The following CDC42SE2 variants were observed in gnomAD, a reference collection of about 807,000 sequenced individuals.
CDC42SE2 encodes the protein CDC42 small effector protein 2.
CDC42SE2 carries 3 observed loss-of-function variants against 11.5 expected under a neutral mutation model. The observed-to-expected ratio is 0.26, with a 90% confidence interval of 0.12 to 0.67. The LOEUF (loss-of-function observed/expected upper bound fraction) is 0.67, where lower values mean the gene tolerates loss of function less well. Ranked by LOEUF, CDC42SE2 falls within the 30% of genes least tolerant of loss-of-function variation. The pLI, the probability that CDC42SE2 is intolerant of heterozygous loss-of-function variation, is 0.80. For synonymous variants in CDC42SE2, 33 were observed against 34.8 expected (o/e 0.95, Z 0.18); for missense variants, 82 against 106.8 (o/e 0.77, Z 1.02).
intron 1 of CDC42SE2, among the ~76,000 whole-genome samples, chr5:131,295,013 G>C (rs1757539993): frequency 6.6e-6 from 1 of 152,090 alleles, no homozygotes; most frequent in East Asian, 1.9e-4. Flanking sequence ...TGTAGTCCCA[G>C]CTACTCGGGA....
chr5:131,322,856 G>A (rs775151705), intron 2 of CDC42SE2, among the ~76,000 whole-genome samples: 2 of 152,130 alleles, frequency 1.3e-5, no homozygotes, highest in Non-Finnish European at 2.9e-5. Context: ...TTGGGGACCT[G>A]TCATAATGTG....
intron 1 of CDC42SE2, among the ~76,000 whole-genome samples, chr5:131,273,662 A>G (rs1757040798): frequency 6.6e-6 from 1 of 151,196 alleles, no homozygotes; most frequent in South Asian, 2.1e-4. Context: ...AGTCCCAGCG[A>G]CTAGGGAGGC....
chr5:131,362,597 G>T (rs574190349), intron 3 of CDC42SE2, among the ~76,000 whole-genome samples: 1 of 152,092 alleles, frequency 6.6e-6, no homozygotes, highest in Non-Finnish European at 1.5e-5. Flanking sequence ...CACATTCCAT[G>T]TGTGAAAAAG....
At chr5:131,308,853 G>A (rs529974690) in intron 1 of CDC42SE2, among the ~76,000 whole-genome samples, 109 of 152,228 alleles carry the variant, frequency 7.2e-4, no homozygotes, top group African/African-American at 2.4e-3. Context: ...GGGCTGAGAT[G>A]ATGGGGTTTT....
At chr5:131,242,292 C>T (rs1339503400), upstream of CDC42SE2, among the ~76,000 whole-genome samples, 6 of 152,164 alleles carry the variant, frequency 3.9e-5, no homozygotes, top group Non-Finnish European at 7.3e-5. Flanking sequence ...TTCAGTACTA[C>T]CTTCTTACAA....
At chr5:131,352,211 G>T (rs1355005167) in intron 2 of CDC42SE2, among the ~76,000 whole-genome samples, 1 of 152,070 alleles carries the variant, frequency 6.6e-6, no homozygotes, top group East Asian at 1.9e-4. Context: ...GAAAACTGGT[G>T]GGTAGTTTCT....
chr5:131,374,895 T>G (rs1750108199), intron 3 of CDC42SE2, among the ~76,000 whole-genome samples: 1 of 152,168 alleles, frequency 6.6e-6, no homozygotes, highest in Admixed American at 6.5e-5. Context: ...CATTGTACAT[T>G]GTATACATAC....
intron 3 of CDC42SE2, among the ~76,000 whole-genome samples, chr5:131,382,711 G>C (rs907349237): frequency 1.3e-5 from 2 of 152,184 alleles, no homozygotes; most frequent in Non-Finnish European, 2.9e-5. Context: ...GTGTCCTGCA[G>C]ATGCCACTGT....
intron 2 of CDC42SE2, among the ~76,000 whole-genome samples, chr5:131,338,887 A>G (rs1016759741): frequency 3.9e-5 from 6 of 152,180 alleles, no homozygotes; most frequent in African/African-American, 1.4e-4. Context: ...ATTAAAATGT[A>G]CACTGCAACT....
chr5:131,340,958 C>T (rs1370527711), intron 2 of CDC42SE2, among the ~76,000 whole-genome samples: 1 of 151,978 alleles, frequency 6.6e-6, no homozygotes, highest in Non-Finnish European at 1.5e-5. Flanking sequence ...ATTACAGGCA[C>T]GAACCACCAT....
chr5:131,306,504 G>A (rs1259375209), intron 1 of CDC42SE2, among the ~76,000 whole-genome samples: 4 of 152,150 alleles, frequency 2.6e-5, no homozygotes, highest in African/African-American at 9.7e-5. Context: ...ATAGTTTGTA[G>A]TAGATTTTGA....
At chr5:131,293,951 G>A (rs966330615) in intron 1 of CDC42SE2, among the ~76,000 whole-genome samples, 3 of 152,156 alleles carry the variant, frequency 2.0e-5, no homozygotes, top group Admixed American at 6.5e-5. Flanking sequence ...GATATGTATT[G>A]GCTGCTTTAA....
the CDC42SE2 span, among the ~76,000 whole-genome samples, chr5:131,214,161 TC>T: frequency 6.6e-6 from 1 of 152,220 alleles, no homozygotes; most frequent in Non-Finnish European, 1.5e-5. Flanking sequence ...ATTTTTAGTG[TC>T]TTAAAGAAAT....
intron 3 of CDC42SE2, among the ~76,000 whole-genome samples, chr5:131,383,425 A>G (rs997439293): frequency 1.3e-5 from 2 of 152,238 alleles, no homozygotes; most frequent in African/African-American, 4.8e-5. Context: ...AAAAGGCTTG[A>G]AGTAAAACTA....
intron 1 of CDC42SE2, among the ~76,000 whole-genome samples, chr5:131,313,627 C>T (rs1322405156): frequency 1.3e-5 from 2 of 152,148 alleles, no homozygotes. Flanking sequence ...AAGTTGACTA[C>T]ATGTGTGTAG....
intron 3 of CDC42SE2, among the ~76,000 whole-genome samples, chr5:131,372,015 TGTTTTG>T (rs1466961052): frequency 6.6e-6 from 1 of 152,248 alleles, no homozygotes; most frequent in Non-Finnish European, 1.5e-5. Flanking sequence ...CTGTTTGTTT[TGTTTTG>T]GTTTTGGTTT....
At chr5:131,356,683 G>T (rs1749559589) in intron 2 of CDC42SE2, among the ~76,000 whole-genome samples, 1 of 152,210 alleles carries the variant, frequency 6.6e-6, no homozygotes, top group Non-Finnish European at 1.5e-5. Flanking sequence ...ACTTTGGGAG[G>T]CTGAAGTGTG....
the CDC42SE2 span, among the ~76,000 whole-genome samples, chr5:131,234,743 C>T: frequency 6.6e-6 from 1 of 152,030 alleles, no homozygotes; most frequent in African/African-American, 2.4e-5. Flanking sequence ...TTCTTGCCTT[C>T]TAGAAGCTAA....
At chr5:131,215,832 T>A in the CDC42SE2 span, among the ~76,000 whole-genome samples, 1 of 152,260 alleles carries the variant, frequency 6.6e-6, no homozygotes, top group Non-Finnish European at 1.5e-5. Context: ...AATTAACTAC[T>A]TAAGTAATAA....
Sources: gnomAD v4.1 joint callset for allele counts (sites outside exome capture counted in the v4.1 genomes callset) on GRCh38, gnomAD v4.1.1 for gene constraint, MANE v1.5 for transcripts, NCBI Gene and HGNC (gene_info 2026-07-23, HGNC 2026-07-21) for gene names.